The following ARMH3 variants were observed in gnomAD, a reference collection of about 807,000 sequenced individuals.
ARMH3 encodes armadillo-like helical domain-containing protein 3.
Under a neutral mutation model 99.1 loss-of-function variants are expected in ARMH3, and 60 were observed. The ratio of observed to expected loss-of-function variants is 0.61; its 90% CI spans 0.49 to 0.75. The LOEUF (loss-of-function observed/expected upper bound fraction) is 0.75, where lower values mean the gene tolerates loss of function less well. Among genes scored for constraint, ARMH3 ranks in the 30% least tolerant of loss-of-function variants. The pLI is 0.00. For missense variants in ARMH3, 679 were observed against 843.1 expected (o/e 0.81, Z 2.41); for synonymous variants, 285 against 292.8 (o/e 0.97, Z 0.27).
chr10:101,893,856 C>A (rs2067753534), intron 23 of ARMH3, among the ~76,000 whole-genome samples: 1 of 152,156 alleles, frequency 6.6e-6, no homozygotes, highest in Non-Finnish European at 1.5e-5. Context: ...TCAGCTGGCT[C>A]TATGGGTGAC....
chr10:102,045,125 G>A (rs1386400853), intron 1 of ARMH3, among the ~76,000 whole-genome samples: 1 of 102,098 alleles, frequency 9.8e-6, no homozygotes, highest in Non-Finnish European at 1.8e-5. Flanking sequence ...GCCAGCCCTT[G>A]TCTCAAAAAA....
chr10:101,964,092 A>G (rs1294436374), intron 20 of ARMH3, among the ~76,000 whole-genome samples: 1 of 151,968 alleles, frequency 6.6e-6, no homozygotes, highest in African/African-American at 2.4e-5. Flanking sequence ...TAGCCAGGAT[A>G]GTCTCGATCT....
At chr10:101,923,518 C>T (rs1843384391) in intron 23 of ARMH3, among the ~76,000 whole-genome samples, 1 of 152,150 alleles carries the variant, frequency 6.6e-6, no homozygotes, top group Non-Finnish European at 1.5e-5. Context: ...ACTTTTCCCT[C>T]CCTAAGGACC....
Position 101,991,978 on chromosome 10 carries a change from C to A in ARMH3, c.1336G>T (p.Ala446Ser). The stretch of plus-strand genomic sequence containing the variant: ...GATGATACTCACTCACCCAGTACTG[C>A]ACATACTAAAGGACGGCAGGGAAGA... ...KNLPCRPLVC[A>S]VLDLMVEFIV... The change falls in exon 18 of 26, where the codon GCA (alanine) becomes TCA (serine). Residue 446 changes from alanine (A) to serine (S), a missense_variant. Physicochemically the swap from Ala to Ser is moderately conservative, Grantham distance 99. Around this residue, in one of 3 missense-constraint regions of ARMH3, gnomAD observed 389 missense variants for 456.5 expected, o/e 0.85. Coordinates refer to ENST00000370033, the MANE Select transcript of ARMH3 (RefSeq NM_024541.3). 1 of 1,613,830 alleles carries A rather than the reference C, an allele frequency of 6.2e-7. No homozygotes were observed. Among genetic ancestry groups the A allele is most frequent in the Non-Finnish European group, 8.5e-7 (1 of 1,179,708 alleles).
chr10:101,966,546 G>A (rs535837065), intron 20 of ARMH3, among the ~76,000 whole-genome samples: 25 of 151,926 alleles, frequency 1.6e-4, no homozygotes, highest in East Asian at 1.4e-3. Context: ...GAGCCCCTGC[G>A]CCCAGCCCAC....
intron 20 of ARMH3, 107 bp downstream of exon 20, chr10:101,975,105 C>G (rs1405615917): frequency 7.3e-6 from 3 of 412,208 alleles, no homozygotes; most frequent in Admixed American, 4.9e-5. Flanking sequence ...ATAAAGGCAA[C>G]CTAAACAAAC....
chr10:101,946,394 C>T (rs1377515201), intron 22 of ARMH3, among the ~76,000 whole-genome samples: 1 of 152,032 alleles, frequency 6.6e-6, no homozygotes, highest in Non-Finnish European at 1.5e-5. Flanking sequence ...GCCTTGTAAT[C>T]CCAGCACTTT....
In ARMH3 at chr10:102,012,841, C is replaced by G. The variant is rs762287303; in HGVS notation, c.762G>C (p.Glu254Asp). The G allele has an allele frequency of 6.2e-7, 1 of 1,610,506 alleles. No homozygotes were observed. The highest frequency in any genetic ancestry group is 8.5e-7 in the Non-Finnish European group (1 of 1,177,936). The change falls in exon 10 of 26, where the codon GAG becomes GAC. Residue 254 changes from glutamate (E) to aspartate (D), a missense_variant. Around this residue, in one of 3 missense-constraint regions of ARMH3, gnomAD observed 280 missense variants for 354.6 expected, o/e 0.79. Transcript: ENST00000370033. ...TGGAAAGGTGGACTTACCTGTTGTA[C>G]TCAGATAAAGCCTGAGCAATTACAA... ...MGLVIAQALS[E>D]YNRQYKDKEE...
intron 4 of ARMH3, 139 bp from the exon 5 acceptor site, chr10:102,029,884 G>C: frequency 2.5e-6 from 2 of 809,914 alleles, no homozygotes; most frequent in East Asian, 6.0e-5. Context: ...CACAGTCTGA[G>C]TTTTTTTGGT....
At chr10:102,032,913 T>C in intron 4 of ARMH3, 113 bp downstream of exon 4, 2 of 1,228,816 alleles carry the variant, frequency 1.6e-6, no homozygotes, top group South Asian at 1.6e-5. Flanking sequence ...CTTACAGAAA[T>C]AAAAAAGAAA....
chr10:101,956,120 G>A (rs1256244208), intron 22 of ARMH3, among the ~76,000 whole-genome samples: 1 of 152,002 alleles, frequency 6.6e-6, no homozygotes, highest in Admixed American at 6.6e-5. Context: ...CATTTTCAGT[G>A]AGCCAATCAC....
chr10:102,024,562 C>G (rs889951965), intron 6 of ARMH3, among the ~76,000 whole-genome samples: 1 of 151,700 alleles, frequency 6.6e-6, no homozygotes, highest in Non-Finnish European at 1.5e-5. Flanking sequence ...GGTGGATCAC[C>G]TAAGGTCAAG....
intron 4 of ARMH3, among the ~76,000 whole-genome samples, chr10:102,031,941 T>C (rs891788236): frequency 6.6e-5 from 10 of 151,286 alleles, no homozygotes; most frequent in South Asian, 2.1e-4. Context: ...GGTTTCCCCC[T>C]GTTAGCCAGG....
intron 24 of ARMH3, among the ~76,000 whole-genome samples, chr10:101,867,165 A>C (rs1333763638): frequency 6.6e-6 from 1 of 152,190 alleles, no homozygotes; most frequent in African/African-American, 2.4e-5. Context: ...TTATCTTGCT[A>C]ATCTTCTGCT....
intron 24 of ARMH3, among the ~76,000 whole-genome samples, chr10:101,850,408 A>ATC (rs201648391): frequency 1.2e-4 from 16 of 138,288 alleles, no homozygotes; most frequent in Non-Finnish European, 1.9e-4. Flanking sequence ...CAACTTTCTA[A>ATC]TCTCTCTCTC....
At position 101,847,346 on chromosome 10, in the gene ARMH3, T is replaced by A. The variant is rs2066485481; in HGVS notation, c.*182A>T. On this transcript the variant is annotated 3_prime_UTR_variant, in exon 26 of 26. Coordinates refer to ENST00000370033, the MANE Select transcript of ARMH3 (RefSeq NM_024541.3). The stretch of plus-strand genomic sequence containing the variant: ...ACCCATTCCTCCCCAAATAAGATTA[T>A]CCCTGGCTTGACCCTCCTGCCCCTG... 5.1e-6 allele frequency: 3 copies of A among 592,442 alleles called. No homozygotes were observed. Among genetic ancestry groups the A allele is most frequent in the Non-Finnish European group, 9.0e-6 (3 of 333,036 alleles). The allele number at this position is 592,442 out of a possible 1,614,324, so 36.7% of individuals were successfully genotyped here. A position where few individuals can be genotyped will look rare whatever the true frequency, so the allele number is the denominator to read the frequency against.
intron 23 of ARMH3, among the ~76,000 whole-genome samples, chr10:101,927,948 C>T (rs553568124): frequency 2.6e-5 from 4 of 152,282 alleles, no homozygotes; most frequent in Admixed American, 2.6e-4. Flanking sequence ...GTGGCACATC[C>T]CTGTAACCTC....
At chr10:101,862,505 A>AG (rs1301877761) in intron 24 of ARMH3, among the ~76,000 whole-genome samples, 1 of 152,156 alleles carries the variant, frequency 6.6e-6, no homozygotes, top group African/African-American at 2.4e-5. Flanking sequence ...TGATCCCAAG[A>AG]GGGGGAGGTT....
At position 101,908,670 on chromosome 10, in the gene ARMH3, T is replaced by C. The variant is rs368344821; in HGVS notation, c.1782-19180A>G. ...CTGTGGGTTTTTTCTTTTTCTTTTTTTTTTTTTTTTGAGACAGAGTTTCGC... is the reference window on the plus strand; with the variant it reads ...CTGTGGGTTTTTTCTTTTTCTTTTTCTTTTTTTTTTGAGACAGAGTTTCGC... On this transcript the variant is annotated intron_variant, in intron 23 of 25. Transcript: ENST00000370033. Among the ~76,000 whole-genome samples the C allele has an allele frequency of 1.2e-3, 188 of 151,658 alleles. 1 individual carries two copies. In the South Asian group the frequency reaches 0.019, roughly 15 times the overall value.
Sources: allele counts gnomAD v4.1 joint callset (sites outside exome capture counted in the v4.1 genomes callset), GRCh38; gene constraint gnomAD v4.1.1; regional missense constraint gnomAD v4.1.1; transcripts MANE v1.5; gene names NCBI Gene and HGNC (gene_info 2026-07-23, HGNC 2026-07-21).